Variants in FES observed in about 807,000 individuals in gnomAD.
The protein encoded by FES is FES proto-oncogene, tyrosine kinase, also known as tyrosine-protein kinase Fes/Fps.
A neutral mutation model predicts 109.6 loss-of-function variants in FES; 83 were observed. That is an observed-to-expected ratio of 0.76 (90% CI 0.63 to 0.91). The LOEUF (loss-of-function observed/expected upper bound fraction) is 0.91. Ranked by LOEUF, FES falls within the 40% of genes least tolerant of loss-of-function variation. The probability of loss-of-function intolerance (pLI) is 0.00; values close to 1 mark genes in which losing one functional copy is unlikely to be tolerated. For missense variants in FES, 943 were observed against 1,070.9 expected (o/e 0.88, Z 1.67); for synonymous variants, 458 against 442.1 (o/e 1.04, Z -0.45).
chr15:90,888,240 G>A (rs4548831), intron 5 of FES, among the ~76,000 whole-genome samples: 63,699 of 151,992 alleles, frequency 0.42, 14,135 homozygotes, highest in East Asian at 0.79. Flanking sequence ...CGAGTAGCTG[G>A]AACTACGGGC....
intron 3 of FES, among the ~76,000 whole-genome samples, chr15:90,886,546 T>A (rs577592001): frequency 1.3e-5 from 2 of 152,292 alleles, no homozygotes; most frequent in East Asian, 3.9e-4. Flanking sequence ...GCCAAGAACA[T>A]AATTTGCAGG....
At chr15:90,887,480 T>C (rs571259657) in intron 5 of FES, 110 bp downstream of exon 5, 3 of 1,185,716 alleles carry the variant, frequency 2.5e-6, no homozygotes, top group South Asian at 3.2e-5. Context: ...GTGCTGGCCA[T>C]GTAACCACAT....
At chr15:90,885,831 G>C (rs1336036343) in intron 3 of FES, among the ~76,000 whole-genome samples, 1 of 152,160 alleles carries the variant, frequency 6.6e-6, no homozygotes, top group Non-Finnish European at 1.5e-5. Context: ...TGAGTGACCG[G>C]TCACGTGCCT....
intron 5 of FES, among the ~76,000 whole-genome samples, chr15:90,888,921 G>T (rs544006512): frequency 3.3e-5 from 5 of 152,138 alleles, no homozygotes; most frequent in South Asian, 4.2e-4. Context: ...AAGTAGCTGG[G>T]ACTACAGGCA....
chr15:90,893,789 C>T lies in FES; in HGVS notation c.2181C>T (p.Thr727=), dbSNP rs139396266. 19 of 1,599,728 alleles carry T rather than the reference C, an allele frequency of 1.2e-5. No individual in the cohort carries two copies. In the East Asian group the frequency reaches 1.8e-4, roughly 15 times the overall value. The change falls in exon 17 of 19, where the codon ACC becomes ACT. Residue 727 remains threonine, a synonymous_variant. Transcript: ENST00000328850. ...GGLRQVPVKW[T]APEALNYGRY... ...TCAGACAAGTCCCCGTGAAGTGGAC[C>T]GCACCTGAGGCCCTTAACTACGGTA...
chr15:90,893,491 C>T (rs960935731), intron 16 of FES, 77 bp downstream of exon 16: 76 of 1,501,270 alleles, frequency 5.1e-5, no homozygotes, highest in East Asian at 1.4e-4. Flanking sequence ...TAGGGCCCCC[C>T]GCTGGACCAT....
chr15:90,892,146 C>A, intron 13 of FES, 35 bp downstream of exon 13: 1 of 1,612,900 alleles, frequency 6.2e-7, no homozygotes. Context: ...TTGTCGCTGG[C>A]GACTTCTCCT....
Position 90,885,018 on chromosome 15 carries a change from G to T in FES, c.-9-19G>T. ...AGCTGCTGCCTTGCCTCCAGGGATG[G>T]CCCCTTTTCTGTCCCCAGAACAGCA... On this transcript the variant is annotated intron_variant, in intron 1 of 18. Coordinates refer to ENST00000328850, the MANE Select transcript of FES (RefSeq NM_002005.4). 1.3e-6 allele frequency: 2 copies of T among 1,574,514 alleles called. No homozygotes were observed. Among genetic ancestry groups the T allele is most frequent in the Non-Finnish European group, 1.7e-6 (2 of 1,161,292 alleles).
At chr15:90,894,153 C>T in intron 18 of FES, 95 bp downstream of exon 18, 2 of 1,434,030 alleles carry the variant, frequency 1.4e-6, no homozygotes, top group Non-Finnish European at 1.9e-6. Flanking sequence ...ACCTTCCCAC[C>T]AGGCAGAATA....
rs140247798 is a variant in FES, at chr15:90,887,269, C to T, written c.567C>T (p.Gly189=). The T allele has an allele frequency of 1.6e-5, 26 of 1,613,238 alleles. No homozygotes were observed. The highest frequency in any genetic ancestry group is 6.7e-5 in the Admixed American group (4 of 60,014). The change falls in exon 5 of 19, where the codon GGC becomes GGT. Residue 189 remains glycine (G), a synonymous_variant. Transcript: ENST00000328850. The stretch of plus-strand genomic sequence containing the variant: ...CTCACCACAACCGCTATGTGCTGGG[C>T]GTGCGGGCTGCGCAGCTACACCACC... ...LFAHHNRYVL[G]VRAAQLHHQH...
At chr15:90,892,532 G>C (rs1348457207) in intron 13 of FES, 175 bp from the exon 14 acceptor site, 12 of 605,008 alleles carry the variant, frequency 2.0e-5, no homozygotes, top group South Asian at 1.7e-4. Flanking sequence ...AACTTTCCCT[G>C]CCTGCCCCAT....
rs764227513 is a variant in FES, at chr15:90,889,997, C to T, written c.1049+35C>T. The T allele has an allele frequency of 2.5e-6, 4 of 1,608,700 alleles. No individual in the cohort carries two copies. The highest frequency in any genetic ancestry group is 2.2e-5 in the South Asian group (2 of 90,924). ...CCCCTGCCTGCAGCAGCCTCCTGGG[C>T]CTCCCTCCCTCCTACCTACCCTAAC... On this transcript the variant is annotated intron_variant, in intron 8 of 18. Transcript: ENST00000328850. This position sits in a 1 kb window ranked among gnomAD's most constrained non-coding sequence, Gnocchi z 6.1.
chr15:90,889,226 A>T lies in FES; in HGVS notation c.669-80A>T. 1 of 1,564,440 alleles carries T rather than the reference A, an allele frequency of 6.4e-7. No individual in the cohort carries two copies. Among genetic ancestry groups the T allele is most frequent in the East Asian group, 2.3e-5 (1 of 44,244 alleles). ...GGGGTCAACCCCAGCCCTGACTCCA[A>T]ACCCAGGGTCCTAGGCCTGAACTGC... is the stretch of plus-strand genomic sequence containing the variant. On this transcript the variant is annotated intron_variant, in intron 5 of 18. Coordinates refer to ENST00000328850, the MANE Select transcript of FES (RefSeq NM_002005.4). The surrounding 1 kb of genome is among the most constrained non-coding windows in gnomAD (Gnocchi z 6.1).
At chr15:90,891,502 C>T (rs778505817) in intron 11 of FES, 52 bp from the exon 12 acceptor site, 8 of 1,609,922 alleles carry the variant, frequency 5.0e-6, no homozygotes, top group Middle Eastern at 1.7e-4. Context: ...CCTCCCAGGG[C>T]TCACGCCCCC....
intron 18 of FES, 30 bp from the exon 19 acceptor site, chr15:90,895,386 A>C: frequency 3.4e-6 from 5 of 1,484,184 alleles, no homozygotes; most frequent in Non-Finnish European, 4.5e-6. Flanking sequence ...CTCCCTCCTC[A>C]TGCCTGGTGT....
rs186697894 is a variant in FES, at chr15:90,892,994, G to A, written c.1827-106G>A. The A allele has an allele frequency of 1.7e-4, 239 of 1,398,208 alleles. No homozygotes were observed. The African/African-American group carries it at 2.5e-3, about 15-fold the overall frequency. 86.6% of individuals were successfully genotyped at this position (1,398,208 alleles called of 1,614,324 possible). On this transcript the variant is annotated intron_variant, in intron 14 of 18. Transcript: ENST00000328850. The stretch of plus-strand genomic sequence containing the variant: ...GGGTAGAGGCTGCCCCAGGTCACAC[G>A]TCCGGGTCTGCTGGCCTTGGAGGCC...
At chr15:90,887,836 G>A (rs2032807699) in intron 5 of FES, among the ~76,000 whole-genome samples, 1 of 152,210 alleles carries the variant, frequency 6.6e-6, no homozygotes, top group Admixed American at 6.5e-5. Flanking sequence ...AGAGGGGTAC[G>A]GGAGTGAATC....
At position 90,887,175 on chromosome 15, in the gene FES, C is replaced by G. The variant is rs377277703; in HGVS notation, c.485-12C>G. ...ATGCTGTCATCTATACCCCTTGCCC[C>G]CCTTCTGGCAGACAAGGACCGTGAC... On this transcript the variant is annotated splice_polypyrimidine_tract_variant and intron_variant, in intron 4 of 18. Transcript: ENST00000328850. 2 of 1,612,248 alleles carry G rather than the reference C, an allele frequency of 1.2e-6. No individual in the cohort carries two copies. Among genetic ancestry groups the G allele is most frequent in the African/African-American group, 2.7e-5 (2 of 74,912 alleles).
At chr15:90,885,613 C>T in intron 3 of FES, 28 bp downstream of exon 3, 1 of 1,599,988 alleles carries the variant, frequency 6.3e-7, no homozygotes, top group Non-Finnish European at 8.5e-7. Context: ...GGGCTTCGGT[C>T]ATTTCTGTCT....
Sources: allele counts gnomAD v4.1 joint callset (sites outside exome capture counted in the v4.1 genomes callset), GRCh38; gene constraint gnomAD v4.1.1; non-coding constraint Gnocchi (gnomAD v3.1); transcripts MANE v1.5; gene names NCBI Gene and HGNC (gene_info 2026-07-23, HGNC 2026-07-21).